The following BTBD9 variants were observed in gnomAD, a reference collection of about 807,000 sequenced individuals.
BTBD9 encodes BTB/POZ domain-containing protein 9.
In BTBD9, 49 loss-of-function variants were observed where a neutral mutation model predicts 64.3. That is an observed-to-expected ratio of 0.76 (90% CI 0.61 to 0.97). The LOEUF (loss-of-function observed/expected upper bound fraction) is 0.97. Among genes scored for constraint, BTBD9 ranks in the 50% least tolerant of loss-of-function variants. The pLI is 0.00. For missense variants in BTBD9, 598 were observed against 762.1 expected, an observed-to-expected ratio of 0.78 and a Z score of 2.53; for synonymous variants, 260 against 274.7, an observed-to-expected ratio of 0.95 and a Z score of 0.53.
At chr6:38,593,395 A>G (rs778465314) in intron 3 of BTBD9, among the ~76,000 whole-genome samples, 20 of 152,238 alleles carry the variant, frequency 1.3e-4, no homozygotes, top group Non-Finnish European at 2.6e-4. Flanking sequence ...TAGCTTTTCA[A>G]TAGATTTTTC....
intron 1 of BTBD9, among the ~76,000 whole-genome samples, chr6:38,615,567 A>G (rs1369285889): frequency 6.6e-6 from 1 of 152,108 alleles, no homozygotes; most frequent in Non-Finnish European, 1.5e-5. Context: ...TCCCTCTACC[A>G]GAATGTTTTG....
intron 6 of BTBD9, among the ~76,000 whole-genome samples, chr6:38,425,970 G>A (rs552066092): frequency 7.1e-6 from 1 of 140,524 alleles, no homozygotes; most frequent in East Asian, 2.3e-4. Flanking sequence ...ACAAAAGCAA[G>A]CCCAGACCAG....
chr6:38,457,055 A>C (rs924624004), intron 6 of BTBD9, among the ~76,000 whole-genome samples: 1 of 152,188 alleles, frequency 6.6e-6, no homozygotes, highest in African/African-American at 2.4e-5. Flanking sequence ...AGAGCAAAGC[A>C]AAAGCGCTAG....
intron 6 of BTBD9, among the ~76,000 whole-genome samples, chr6:38,530,432 T>C (rs911578073): frequency 6.6e-6 from 1 of 152,120 alleles, no homozygotes; most frequent in African/African-American, 2.4e-5. Flanking sequence ...TTGAAACCCT[T>C]AATAAAAACT....
At chr6:38,541,297 T>C (rs1774256329) in intron 6 of BTBD9, among the ~76,000 whole-genome samples, 1 of 152,230 alleles carries the variant, frequency 6.6e-6, no homozygotes, top group African/African-American at 2.4e-5. Flanking sequence ...ACTATTACAT[T>C]ACCTATGCAT....
intron 7 of BTBD9, among the ~76,000 whole-genome samples, chr6:38,294,850 A>G (rs1199739258): frequency 1.3e-5 from 2 of 151,004 alleles, no homozygotes; most frequent in African/African-American, 4.9e-5. Context: ...AAAAACCTTT[A>G]TACTCTCAAC....
chr6:38,502,821 C>T lies in BTBD9; in HGVS notation c.1154+74779G>A, dbSNP rs573288153. Among the ~76,000 whole-genome samples, 261 of 152,158 alleles carry T rather than the reference C, an allele frequency of 1.7e-3. No homozygotes were observed. In the South Asian group the frequency reaches 0.026, roughly 15 times the overall value. ...GTGCAATTTGATTCAATTCAATGAA[C>T]GTTAACTGAGTGCCTGTTACATTCC... On this transcript the variant is annotated intron_variant, in intron 6 of 10. Coordinates refer to ENST00000481247, the MANE Select transcript of BTBD9 (RefSeq NM_001099272.2).
At chr6:38,587,853 A>C (rs1227955442) in intron 4 of BTBD9, 1 of 721,010 alleles carries the variant, frequency 1.4e-6, no homozygotes, top group African/African-American at 1.7e-5. Context: ...TTAAAAAACC[A>C]AGATGAAATA....
intron 4 of BTBD9, among the ~76,000 whole-genome samples, chr6:38,591,731 G>A (rs1444159235): frequency 6.6e-6 from 1 of 152,094 alleles, no homozygotes; most frequent in Admixed American, 6.6e-5. Flanking sequence ...AAATCGTGTA[G>A]GACCTGTTCT....
At chr6:38,419,784 C>T (rs1417529144) in intron 6 of BTBD9, among the ~76,000 whole-genome samples, 4 of 152,110 alleles carry the variant, frequency 2.6e-5, no homozygotes, top group Non-Finnish European at 5.9e-5. Flanking sequence ...GCGGGAGAAT[C>T]GCTTGAACTC....
At chr6:38,503,767 T>C (rs1772322367) in intron 6 of BTBD9, among the ~76,000 whole-genome samples, 1 of 152,148 alleles carries the variant, frequency 6.6e-6, no homozygotes, top group Non-Finnish European at 1.5e-5. Context: ...ATGTAAACAA[T>C]ATATTGGCCT....
chr6:38,488,523 T>C (rs1582515130), intron 6 of BTBD9, among the ~76,000 whole-genome samples: 1 of 152,160 alleles, frequency 6.6e-6, no homozygotes, highest in African/African-American at 2.4e-5. Context: ...TGTGTCGGCA[T>C]AGCACAGTCC....
chr6:38,457,821 T>A (rs562791540), intron 6 of BTBD9, among the ~76,000 whole-genome samples: 1 of 152,180 alleles, frequency 6.6e-6, no homozygotes, highest in Non-Finnish European at 1.5e-5. Flanking sequence ...TCAGTTTACA[T>A]GTCTCTCCCC....
rs144575387 is a variant in BTBD9 at position 38,438,920 on chromosome 6, A to G, written c.1155-93827T>C. ...GGGAGTGAGGAAATAAGCCATGAAG[A>G]TATCTGAAGAAAAAAGCTGCCAACA... On this transcript the variant is annotated intron_variant, in intron 6 of 10. Transcript: ENST00000481247. Among the ~76,000 whole-genome samples, 692 of 152,266 alleles carry G rather than the reference A, an allele frequency of 4.5e-3. 4 individuals are homozygous for G. The highest frequency in any genetic ancestry group is 0.015 in the African/African-American group (641 of 41,554).
chr6:38,212,808 C>G (rs369437438), intron 9 of BTBD9, among the ~76,000 whole-genome samples: 7 of 151,254 alleles, frequency 4.6e-5, no homozygotes, highest in Non-Finnish European at 1.0e-4. Context: ...AAGGAGACGG[C>G]CTCCTCCTCC....
At position 38,313,774 on chromosome 6, in the gene BTBD9, G is replaced by T. The variant is rs528865801; in HGVS notation, c.1265-25313C>A. Among the ~76,000 whole-genome samples, 11 of 144,796 alleles carry T rather than the reference G, an allele frequency of 7.6e-5. No individual in the cohort carries two copies. The East Asian group carries it at 1.8e-3, about 24-fold the overall frequency. The allele number at this position is 144,796 out of a possible 152,430, so 95.0% of individuals were successfully genotyped here. On this transcript the variant is annotated intron_variant, in intron 7 of 10. Coordinates refer to ENST00000481247, the MANE Select transcript of BTBD9 (RefSeq NM_001099272.2). ...TTTTTTTTTTTTTTTTTTTGAGATGGAGTCTCACTCCGTCGTCCAGGCTGG... is the reference window on the plus strand; with the variant it reads ...TTTTTTTTTTTTTTTTTTTGAGATGTAGTCTCACTCCGTCGTCCAGGCTGG...
intron 6 of BTBD9, among the ~76,000 whole-genome samples, chr6:38,565,080 T>C (rs1398268490): frequency 6.6e-6 from 1 of 152,190 alleles, no homozygotes; most frequent in Non-Finnish European, 1.5e-5. Context: ...TTCAAAATTC[T>C]TCTTGATTTT....
At chr6:38,215,860 A>G (rs182162739) in intron 9 of BTBD9, among the ~76,000 whole-genome samples, 8 of 152,322 alleles carry the variant, frequency 5.3e-5, no homozygotes, top group Admixed American at 5.2e-4. Flanking sequence ...GAGGCTTTAG[A>G]GATTAACAAT....
intron 4 of BTBD9, chr6:38,588,496 G>C (rs2127486139): frequency 1.2e-6 from 1 of 831,634 alleles, no homozygotes; most frequent in Non-Finnish European, 1.9e-6. Flanking sequence ...CCTTTGGTCA[G>C]GGCTATACCA....
Sources: allele counts gnomAD v4.1 joint callset (sites outside exome capture counted in the v4.1 genomes callset), GRCh38; gene constraint gnomAD v4.1.1; transcripts MANE v1.5; gene names NCBI Gene and HGNC (gene_info 2026-07-23, HGNC 2026-07-21).